Variants in E2F8 observed in about 807,000 individuals in gnomAD.
E2F8 encodes E2F transcription factor 8.
A neutral mutation model predicts 80.8 loss-of-function variants in E2F8; 35 were observed. That is an observed-to-expected ratio of 0.43 (90% CI 0.33 to 0.57). E2F8 has a LOEUF of 0.57. E2F8 is among the 20% of genes least tolerant of loss of function. The pLI is 0.04. For synonymous variants in E2F8, 386 were observed against 395.0 expected, an observed-to-expected ratio of 0.98 and a Z score of 0.27; for missense variants, 975 against 1,056.2, an observed-to-expected ratio of 0.92 and a Z score of 1.07.
In E2F8 at chr11:19,230,848, C is replaced by A; in HGVS notation, c.1067-14G>T. 6.2e-7 allele frequency: 1 copy of A among 1,613,064 alleles called. No individual in the cohort carries two copies. The highest frequency in any genetic ancestry group is 8.5e-7 in the Non-Finnish European group (1 of 1,179,396). ...CTGGGCTGGAGCCTGAAACAGAAAA[C>A]GTCTGTGTATTAAAACCTGGATGGC... On this transcript the variant is annotated splice_polypyrimidine_tract_variant and intron_variant, in intron 7 of 12. Coordinates refer to ENST00000250024, the MANE Select transcript of E2F8 (RefSeq NM_024680.4).
Position 19,229,424 on chromosome 11 carries a change from A to C in E2F8, c.1893+30T>G. ...CCTGTAATAGACTAGGGAATTCCTAAAGCTTTGTGCAGTTCAAGGCTGTAC... is the reference window on the plus strand; with the variant it reads ...CCTGTAATAGACTAGGGAATTCCTACAGCTTTGTGCAGTTCAAGGCTGTAC... On this transcript the variant is annotated intron_variant, in intron 10 of 12. Transcript: ENST00000250024. The surrounding 1 kb of genome is among the most constrained non-coding windows in gnomAD (Gnocchi z 4.3). 1 of 1,569,646 alleles carries C rather than the reference A, an allele frequency of 6.4e-7. No individual in the cohort carries two copies. Among genetic ancestry groups the C allele is most frequent in the Non-Finnish European group, 8.6e-7 (1 of 1,160,990 alleles).
intron 5 of E2F8, 39 bp downstream of exon 5, chr11:19,234,705 A>C: frequency 1.3e-6 from 2 of 1,578,042 alleles, no homozygotes; most frequent in Non-Finnish European, 1.7e-6. Context: ...ACAGAGGACA[A>C]ATGCCATGCC....
intron 7 of E2F8, 69 bp from the exon 8 acceptor site, chr11:19,230,903 C>G (rs1464070148): frequency 4.1e-6 from 6 of 1,453,336 alleles, no homozygotes; most frequent in Admixed American, 3.8e-5. Flanking sequence ...TGAAATAAAA[C>G]AATTTTAGGA....
At position 19,230,778 on chromosome 11, in the gene E2F8, T is replaced by C. The variant is rs1034631955; in HGVS notation, c.1123A>G (p.Lys375Glu). 2 of 1,614,230 alleles carry C rather than the reference T, an allele frequency of 1.2e-6. No homozygotes were observed. The highest frequency in any genetic ancestry group is 1.1e-5 in the South Asian group (1 of 91,082). The change falls in exon 8 of 13, where the codon AAA (lysine) becomes GAA (glutamate). Residue 375 changes from lysine to glutamate, a missense_variant. Lys to Glu is a moderately conservative substitution (Grantham distance 56). Transcript: ENST00000250024. Reference protein sequence around the residue: ...PSDLEVRRSSKENCAKNLFST... With the variant: ...PSDLEVRRSSEENCAKNLFST... ...AAGAGGTTTTTGGCACAGTTCTCTT[T>C]TGAAGACCGTCTCACCTCCAAATCA...
intron 10 of E2F8, among the ~76,000 whole-genome samples, chr11:19,227,509 C>T (rs2133556813): frequency 6.6e-6 from 1 of 152,288 alleles, no homozygotes; most frequent in East Asian, 1.9e-4. Context: ...AATCTTTTAA[C>T]CTATGCCAAT....
chr11:19,227,682 A>G (rs1240647453), intron 10 of E2F8, among the ~76,000 whole-genome samples: 1 of 152,160 alleles, frequency 6.6e-6, no homozygotes, highest in Non-Finnish European at 1.5e-5. Flanking sequence ...TTACTTGCAT[A>G]CTTATCTTCT....
chr11:19,238,260 G>T, intron 2 of E2F8, 128 bp from the exon 3 acceptor site: 2 of 918,530 alleles, frequency 2.2e-6, no homozygotes, highest in Non-Finnish European at 3.2e-6. Context: ...TTGTAGAGTT[G>T]AGGAAATTAA....
chr11:19,237,804 C>A lies in E2F8; in HGVS notation c.294+50G>T, dbSNP rs376159333. The A allele has an allele frequency of 1.1e-5, 18 of 1,567,640 alleles. No individual in the cohort carries two copies. The East Asian group carries it at 1.3e-4, about 12-fold the overall frequency. Reference sequence around the variant, plus strand: ...CTTCTCTAATAGCTACAACCTCCCCCCTCCCCCCAACAAATTCCCCAGCCT... The same window carrying A: ...CTTCTCTAATAGCTACAACCTCCCCACTCCCCCCAACAAATTCCCCAGCCT... On this transcript the variant is annotated intron_variant, in intron 3 of 12. Coordinates refer to ENST00000250024, the MANE Select transcript of E2F8 (RefSeq NM_024680.4).
chr11:19,238,122 A>G lies in E2F8; in HGVS notation c.26T>C (p.Phe9Ser), dbSNP rs1467257693. The change falls in exon 3 of 13, where the codon TTT (phenylalanine) becomes TCT (serine). Residue 9 changes from phenylalanine (F) to serine (S), a missense_variant. Transcript: ENST00000250024. ...TAGTCCCCTTTTATGTGGCTCACAA[A>G]AGAGATTTTCCTGGTTTAAAAAATG... Reference protein sequence around the residue: MENEKENLFCEPHKRGLMK... With the variant: MENEKENLSCEPHKRGLMK... 1.2e-6 allele frequency: 2 copies of G among 1,604,664 alleles called. No individual in the cohort carries two copies. The highest frequency in any genetic ancestry group is 4.5e-5 in the East Asian group (2 of 44,772).
At chr11:19,232,418 C>A in intron 6 of E2F8, 47 bp from the exon 7 acceptor site, 15 of 1,524,818 alleles carry the variant, frequency 9.8e-6, no homozygotes, top group Non-Finnish European at 1.3e-5. Flanking sequence ...ATGAAAAGAT[C>A]AAAGAATTTT....
chr11:19,240,198 A>G lies in E2F8; in HGVS notation c.-77T>C, dbSNP rs2133584658. 3 of 961,298 alleles carry G rather than the reference A, an allele frequency of 3.1e-6. No individual in the cohort carries two copies. In the East Asian group the frequency reaches 8.6e-5, roughly 27 times the overall value. The allele number at this position is 961,298 out of a possible 1,614,324, so 59.5% of individuals were successfully genotyped here. A position where few individuals can be genotyped will look rare whatever the true frequency, so the allele number is the denominator to read the frequency against. The stretch of plus-strand genomic sequence containing the variant: ...CTCCCCAAATCCCGATGGTTCAAGT[A>G]GTCCAATCAATTGTACTAAAAGTTT... On this transcript the variant is annotated 5_prime_UTR_variant, in exon 2 of 13. Coordinates refer to ENST00000250024, the MANE Select transcript of E2F8 (RefSeq NM_024680.4).
chr11:19,231,884 G>A (rs1309246782), intron 7 of E2F8, among the ~76,000 whole-genome samples: 1 of 152,064 alleles, frequency 6.6e-6, no homozygotes, highest in Non-Finnish European at 1.5e-5. Flanking sequence ...TTTTCCATGT[G>A]GGGCGGTGAG....
At position 19,230,742 on chromosome 11, in the gene E2F8, C is replaced by T. The variant is rs1004466044; in HGVS notation, c.1159G>A (p.Gly387Arg). ...GGGTGTCGAGTAAAGTTTGGTTTCC[C>T]ACGTGTGGAAAAGAGGTTTTTGGCA... ...NCAKNLFSTRGKPNFTRHPSL... is the reference protein window; with the variant it reads ...NCAKNLFSTRRKPNFTRHPSL... The change falls in exon 8 of 13, where the codon GGG becomes AGG. Residue 387 changes from glycine (G) to arginine (R), a missense_variant. Transcript: ENST00000250024. 6.2e-7 allele frequency: 1 copy of T among 1,614,058 alleles called. No individual in the cohort carries two copies. Among genetic ancestry groups the T allele is most frequent in the East Asian group, 2.2e-5 (1 of 44,872 alleles).
Position 19,224,561 on chromosome 11 carries a change from A to G in E2F8, c.*97T>C. On this transcript the variant is annotated 3_prime_UTR_variant, in exon 13 of 13. Coordinates refer to ENST00000250024, the MANE Select transcript of E2F8 (RefSeq NM_024680.4). ...CATTGAACAAATCCCCAACGTATTT[A>G]CAGTATTTTCAGAGAATGTGTTCTC... 1 of 1,261,582 alleles carries G rather than the reference A, an allele frequency of 7.9e-7. No individual in the cohort carries two copies. The highest frequency in any genetic ancestry group is 1.1e-6 in the Non-Finnish European group (1 of 905,950). 78.1% of individuals were successfully genotyped at this position (1,261,582 alleles called of 1,614,324 possible).
rs866924058 is a variant in E2F8, at chr11:19,230,936, C to T, written c.1067-102G>A. The T allele has an allele frequency of 3.9e-6, 4 of 1,018,670 alleles. No individual in the cohort carries two copies. In the Middle Eastern group the frequency reaches 6.6e-4, roughly 167 times the overall value. 63.1% of individuals were successfully genotyped at this position (1,018,670 alleles called of 1,614,324 possible). A position where few individuals can be genotyped will look rare whatever the true frequency, so the allele number is the denominator to read the frequency against. Reference sequence around the variant, plus strand: ...GGAATAAAAGTGGCAAGTTACAGAGCACCGACCATGTGCCTGTCACTGTTC... The same window carrying T: ...GGAATAAAAGTGGCAAGTTACAGAGTACCGACCATGTGCCTGTCACTGTTC... On this transcript the variant is annotated intron_variant, in intron 7 of 12. Coordinates refer to ENST00000250024, the MANE Select transcript of E2F8 (RefSeq NM_024680.4).
At chr11:19,226,917 T>G (rs1851251367) in intron 10 of E2F8, among the ~76,000 whole-genome samples, 1 of 152,212 alleles carries the variant, frequency 6.6e-6, no homozygotes, top group Non-Finnish European at 1.5e-5. Context: ...AGCAAAAGCT[T>G]TAGGCAATAA....
rs570949674 is a variant in E2F8 at position 19,229,709 on chromosome 11, G to A, written c.1638C>T (p.Thr546=). Residue 546 remains threonine (T), a synonymous_variant, in exon 10 of 13, where the codon ACC becomes ACT. Coordinates refer to ENST00000250024, the MANE Select transcript of E2F8 (RefSeq NM_024680.4). The surrounding 1 kb of genome is among the most constrained non-coding windows in gnomAD (Gnocchi z 4.3). ...PPQGLSPTVC[T]THSSKATGSK... is the part of the protein sequence containing the mutation. Reference sequence around the variant, plus strand: ...AGCCAGTAGCTTTAGAAGAGTGGGTGGTGCACACCGTTGGGCTCAGGCCTT... The same window carrying A: ...AGCCAGTAGCTTTAGAAGAGTGGGTAGTGCACACCGTTGGGCTCAGGCCTT... 5 of 1,614,170 alleles carry A rather than the reference G, an allele frequency of 3.1e-6. No homozygotes were observed. The highest frequency in any genetic ancestry group is 4.2e-6 in the Non-Finnish European group (5 of 1,180,022).
At chr11:19,240,013 A>T in intron 2 of E2F8, 94 bp downstream of exon 2, 1 of 1,035,396 alleles carries the variant, frequency 9.7e-7, no homozygotes, top group Non-Finnish European at 1.3e-6. Context: ...TTGTGGCATT[A>T]AGAAAACACA....
At chr11:19,230,367 A>G (rs1851345524) in intron 8 of E2F8, 39 bp from the exon 9 acceptor site, 1 of 1,587,862 alleles carries the variant, frequency 6.3e-7, no homozygotes, top group South Asian at 1.1e-5. Context: ...GGTCAAAGCT[A>G]AAGAACAAAT....
Sources: allele counts gnomAD v4.1 joint callset (sites outside exome capture counted in the v4.1 genomes callset), GRCh38; gene constraint gnomAD v4.1.1; non-coding constraint Gnocchi (gnomAD v3.1); transcripts MANE v1.5; gene names NCBI Gene and HGNC (gene_info 2026-07-23, HGNC 2026-07-21).